The following TREM1 variants were observed in gnomAD, a reference collection of about 807,000 sequenced individuals.
The protein encoded by TREM1 is triggering receptor expressed on monocytes 1.
Under a neutral mutation model 22.4 loss-of-function variants are expected in TREM1, and 16 were observed. That is an observed-to-expected ratio of 0.71 (90% confidence interval 0.48 to 1.08). The LOEUF (loss-of-function observed/expected upper bound fraction) is 1.08, where lower values mean the gene tolerates loss of function less well. Ranked by LOEUF, TREM1 falls within the 50% of genes least tolerant of loss-of-function variation. TREM1 has a pLI of 0.00. For missense variants in TREM1, 283 were observed against 282.9 expected (o/e 1.00, Z 0.00); for synonymous variants, 110 against 111.6 (o/e 0.99, Z 0.09).
In TREM1 at chr6:41,275,740, G is replaced by A. The variant is rs1581624834; in HGVS notation, c.*385C>T. On this transcript the variant is annotated 3_prime_UTR_variant, in exon 4 of 4. Coordinates refer to ENST00000244709, the MANE Select transcript of TREM1 (RefSeq NM_018643.5). ...TGTAGTGGGAGCTCTGTCCAGGTCA[G>A]GCCAAAATTGTATGGTCCAGGGCAA... 2.2e-5 allele frequency: 5 copies of A among 224,286 alleles called. No homozygotes were observed. Among genetic ancestry groups the A allele is most frequent in the South Asian group, 5.7e-5 (1 of 17,434 alleles). The allele number at this position is 224,286 out of a possible 1,614,324, so 13.9% of individuals were successfully genotyped here. A position where few individuals can be genotyped will look rare whatever the true frequency, so the allele number is the denominator to read the frequency against.
chr6:41,281,501 T>A (rs16894394), intron 2 of TREM1: 11,621 of 271,312 alleles, frequency 0.043, 817 homozygotes, highest in African/African-American at 0.18. Context: ...TCACCAATTC[T>A]TGTGCCCCAA....
At chr6:41,281,401 A>G (rs1767915689) in intron 2 of TREM1, 2 of 502,260 alleles carry the variant, frequency 4.0e-6, no homozygotes, top group Admixed American at 3.8e-5. Context: ...GAAGAAAAAA[A>G]GGGCAGGAAG....
chr6:41,282,419 G>A lies in TREM1; in HGVS notation c.382C>T (p.Arg128Cys), dbSNP rs201966989. 1.6e-5 allele frequency: 25 copies of A among 1,612,824 alleles called. No individual in the cohort carries two copies. Among genetic ancestry groups the A allele is most frequent in the Middle Eastern group, 1.7e-4 (1 of 5,932 alleles). The change falls in exon 2 of 4, where the codon CGC (arginine) becomes TGC (cysteine). Residue 128 changes from arginine (R) to cysteine (C), a missense_variant. Transcript: ENST00000244709. ...PPKEPHMLFDRIRLVVTKGFS... is the reference protein window; with the variant it reads ...PPKEPHMLFDCIRLVVTKGFS... ...CCCTTGGTCACCACCAAGCGGATGC[G>A]ATCGAACAGCATGTGAGGCTCCTTG...
At chr6:41,280,572 G>A (rs1767862918) in intron 3 of TREM1, 1 of 1,190,176 alleles carries the variant, frequency 8.4e-7, no homozygotes, top group Non-Finnish European at 1.0e-6. Context: ...GAGGGTTCCT[G>A]ACTCACCCAA....
downstream of TREM1, among the ~76,000 whole-genome samples, chr6:41,270,939 C>T (rs897417534): frequency 1.3e-5 from 2 of 152,300 alleles, no homozygotes; most frequent in Admixed American, 1.3e-4. Context: ...CTCCTGGGCT[C>T]AAGCCATCCT....
intron 2 of TREM1, 112 bp from the exon 3 acceptor site, chr6:41,281,265 C>T (rs146201760): frequency 2.5e-5 from 31 of 1,242,084 alleles, no homozygotes; most frequent in South Asian, 1.1e-4. Context: ...AGTTGATGGA[C>T]GGGTAGGTGG....
rs1767590295 is a variant in TREM1 at position 41,274,583 on chromosome 6, C to T, written c.*1542G>A. 6.6e-6 allele frequency among the ~76,000 whole-genome samples: 1 copy of T among 152,120 alleles called. No homozygotes were observed. The highest frequency in any genetic ancestry group is 1.5e-5 in the Non-Finnish European group (1 of 68,028). On this transcript the variant is annotated 3_prime_UTR_variant, in exon 4 of 4. Transcript: ENST00000244709. Reference sequence around the variant, plus strand: ...AAAATAAATGCACCAAGATTAACAGCTTCTGGATCTAGTGCGTCTGCAAAG... The same window carrying T: ...AAAATAAATGCACCAAGATTAACAGTTTCTGGATCTAGTGCGTCTGCAAAG...
intron 2 of TREM1, 168 bp downstream of exon 2, chr6:41,282,227 C>A (rs1449934977): frequency 5.1e-5 from 31 of 606,084 alleles, no homozygotes; most frequent in Non-Finnish European, 8.5e-5. Flanking sequence ...CAAGGAGAAT[C>A]TCATGCATGG....
intron 1 of TREM1, among the ~76,000 whole-genome samples, chr6:41,283,872 G>A (rs1282049222): frequency 6.6e-6 from 1 of 152,082 alleles, no homozygotes; most frequent in Non-Finnish European, 1.5e-5. Flanking sequence ...GGGATTCACA[G>A]GTCAATGAGA....
chr6:41,271,814 C>T (rs1474589789), downstream of TREM1, among the ~76,000 whole-genome samples: 2 of 152,190 alleles, frequency 1.3e-5, no homozygotes, highest in African/African-American at 4.8e-5. Context: ...CCATTCCAGT[C>T]CATCCCAAAG....
At chr6:41,273,563 T>G (rs968301681), downstream of TREM1, among the ~76,000 whole-genome samples, 4 of 152,188 alleles carry the variant, frequency 2.6e-5, no homozygotes, top group Admixed American at 6.5e-5. Flanking sequence ...ACAACACTAT[T>G]GTATCAGTCA....
At chr6:41,285,467 G>C (rs1011445506) in intron 1 of TREM1, among the ~76,000 whole-genome samples, 1 of 152,172 alleles carries the variant, frequency 6.6e-6, no homozygotes, top group East Asian at 1.9e-4. Flanking sequence ...CTAGAGCCAG[G>C]ATTCAAACCC....
exon 4 of TREM1, chr6:41,267,957 T>A (rs913042196): frequency 5.0e-6 from 2 of 398,658 alleles, no homozygotes; most frequent in Admixed American, 4.4e-5. Flanking sequence ...TTTTCCTTTA[T>A]AACATGAATG....
Position 41,276,172 on chromosome 6 carries a change from C to G in TREM1, c.658G>C (p.Val220Leu). The G allele has an allele frequency of 6.2e-7, 1 of 1,614,118 alleles. No individual in the cohort carries two copies. Among genetic ancestry groups the G allele is most frequent in the Non-Finnish European group, 8.5e-7 (1 of 1,180,028 alleles). ...LAGGFLSKSL[V>L]FSVLFAVTLR... ...GTGACAGCAAACAGGACAGAGAAGA[C>G]CAGGCTCTTACTCAGGAATCCACCA... The change falls in exon 4 of 4, where the codon GTC (valine) becomes CTC (leucine). Residue 220 changes from valine (V) to leucine (L), a missense_variant. By Grantham distance (32) the Val-to-Leu change is conservative. Transcript: ENST00000244709.
chr6:41,268,959 C>T (rs1767407334), downstream of TREM1, among the ~76,000 whole-genome samples: 1 of 152,120 alleles, frequency 6.6e-6, no homozygotes, highest in South Asian at 2.1e-4. Flanking sequence ...AGATTCCAAC[C>T]ATCCTGCCCA....
downstream of TREM1, among the ~76,000 whole-genome samples, chr6:41,273,295 C>T (rs1767538037): frequency 6.6e-6 from 1 of 152,208 alleles, no homozygotes; most frequent in Admixed American, 6.5e-5. Context: ...ACCCAATCCC[C>T]CAGCCTCTCA....
chr6:41,271,176 G>A (rs564364600), downstream of TREM1, among the ~76,000 whole-genome samples: 5 of 152,034 alleles, frequency 3.3e-5, no homozygotes, highest in African/African-American at 7.3e-5. Context: ...TAAATATCAC[G>A]GATCACCCTA....
At chr6:41,277,073 A>T (rs527785478) in intron 3 of TREM1, among the ~76,000 whole-genome samples, 8 of 48,084 alleles carry the variant, frequency 1.7e-4, no homozygotes, top group South Asian at 1.3e-3. Context: ...TAAATAAAAT[A>T]AAAAAAAAAC....
At chr6:41,286,524 G>A (rs1768177008) in intron 1 of TREM1, 83 bp downstream of exon 1, 2 of 1,498,396 alleles carry the variant, frequency 1.3e-6, no homozygotes, top group Non-Finnish European at 1.9e-6. Flanking sequence ...GGATGGCCCT[G>A]TGCTCTGAAG....
Sources: allele counts gnomAD v4.1 joint callset (sites outside exome capture counted in the v4.1 genomes callset), GRCh38; gene constraint gnomAD v4.1.1; transcripts MANE v1.5; gene names NCBI Gene and HGNC (gene_info 2026-07-23, HGNC 2026-07-21).